The following MAST4 variants were observed in gnomAD, a reference collection of about 807,000 sequenced individuals.
MAST4 encodes microtubule associated serine/threonine kinase family member 4, also known as microtubule-associated serine/threonine-protein kinase 4.
MAST4 carries 89 observed loss-of-function variants against 162.7 expected under a neutral mutation model. That is an observed-to-expected ratio of 0.55 (90% CI 0.46 to 0.65). The LOEUF (loss-of-function observed/expected upper bound fraction) is 0.65. Among genes scored for constraint, MAST4 ranks in the 30% least tolerant of loss-of-function variants. The probability of loss-of-function intolerance (pLI) is 0.00; values close to 1 mark genes in which losing one functional copy is unlikely to be tolerated. For missense variants in MAST4, 3,153 were observed against 3,374.0 expected (o/e 0.93, Z 1.62); for synonymous variants, 1,479 against 1,361.1 (o/e 1.09, Z -1.91).
chr5:66,818,138 C>T (rs915784157), intron 3 of MAST4, among the ~76,000 whole-genome samples: 4 of 152,162 alleles, frequency 2.6e-5, no homozygotes, highest in African/African-American at 4.8e-5. Context: ...TAAATCATTG[C>T]TCATTTAAAT....
At chr5:66,786,124 C>G (rs763084603) in intron 2 of MAST4, among the ~76,000 whole-genome samples, 4 of 152,184 alleles carry the variant, frequency 2.6e-5, no homozygotes, top group Non-Finnish European at 5.9e-5. Context: ...TCACCTCGGC[C>G]TCCCAAAGTG....
intron 5 of MAST4, among the ~76,000 whole-genome samples, chr5:67,065,137 C>T (rs949116855): frequency 1.3e-5 from 2 of 152,074 alleles, no homozygotes; most frequent in Non-Finnish European, 2.9e-5. Context: ...ATTTTCTCAT[C>T]TGCTAGTTGA....
intron 14 of MAST4, among the ~76,000 whole-genome samples, chr5:67,127,227 CTT>C (rs1768355403): frequency 1.3e-5 from 2 of 152,192 alleles, no homozygotes; most frequent in Admixed American, 1.3e-4. Context: ...CAATTTATTT[CTT>C]TCTCTTACCT....
chr5:67,164,822 A>C lies in MAST4; in HGVS notation c.5643A>C (p.Arg1881=), dbSNP rs750187755. ...AGCCTTGGTTCCTGCCCCCCAGCCG[A>C]GGTCTCCAGAATTCACCAGCAGTTT... ...LLEPWFLPPS[R]GLQNSPAVSL... is the part of the protein sequence containing the mutation. Residue 1881 remains arginine (R), a synonymous_variant, in exon 29 of 29, where the codon CGA becomes CGC. Transcript: ENST00000403625. The surrounding 1 kb of genome is among the most constrained non-coding windows in gnomAD (Gnocchi z 5.3). The C allele has an allele frequency of 1.4e-5, 23 of 1,613,852 alleles. No homozygotes were observed. The highest frequency in any genetic ancestry group is 1.8e-5 in the Non-Finnish European group (21 of 1,179,894).
intron 1 of MAST4, among the ~76,000 whole-genome samples, chr5:66,680,481 T>G (rs1449030914): frequency 6.6e-6 from 1 of 152,176 alleles, no homozygotes; most frequent in Non-Finnish European, 1.5e-5. Flanking sequence ...AAAGAGGGAA[T>G]GAGAATGTCA....
Position 67,149,437 on chromosome 5 carries a change from G to T in MAST4, c.3143G>T (p.Cys1048Phe). 1 of 1,613,686 alleles carries T rather than the reference G, an allele frequency of 6.2e-7. No individual in the cohort carries two copies. Among genetic ancestry groups the T allele is most frequent in the Non-Finnish European group, 8.5e-7 (1 of 1,179,788 alleles). Residue 1048 changes from cysteine (C) to phenylalanine (F), a missense_variant, in exon 24 of 29, where the codon TGT becomes TTT. Around this residue, in one of 7 missense-constraint regions of MAST4, gnomAD observed 619 missense variants for 744.2 expected, o/e 0.83. Transcript: ENST00000403625. The part of the protein sequence containing the change: ...HLDQINGRSE[C>F]VDSTDNSSKP... ...GATCAGATAAATGGACGAAGCGAGT[G>T]TGTGGACAGTACAGATAATTCCTCA...
intron 3 of MAST4, among the ~76,000 whole-genome samples, chr5:66,834,044 T>C (rs1405429609): frequency 6.6e-6 from 1 of 152,214 alleles, no homozygotes; most frequent in East Asian, 1.9e-4. Flanking sequence ...TTAGTTAATC[T>C]TAGCTGTCTT....
chr5:67,106,448 T>G (rs1323812943), intron 10 of MAST4, among the ~76,000 whole-genome samples: 1 of 152,186 alleles, frequency 6.6e-6, no homozygotes, highest in Non-Finnish European at 1.5e-5. Context: ...CTGCTAGAAC[T>G]CTGAGAATAC....
chr5:66,786,103 G>A (rs898338096), intron 2 of MAST4, among the ~76,000 whole-genome samples: 6 of 152,006 alleles, frequency 3.9e-5, no homozygotes, highest in East Asian at 1.9e-4. Flanking sequence ...ACTTAGGCTC[G>A]AGGGATCCGC....
intron 4 of MAST4, among the ~76,000 whole-genome samples, chr5:67,021,410 C>T (rs1753965065): frequency 6.6e-6 from 1 of 152,084 alleles, no homozygotes. Flanking sequence ...CAAGGTGAGT[C>T]CAGTCTATGC....
intron 10 of MAST4, among the ~76,000 whole-genome samples, chr5:67,107,132 A>G (rs567686969): frequency 2.0e-5 from 3 of 152,336 alleles, no homozygotes; most frequent in East Asian, 3.9e-4. Context: ...TAATTCTGCA[A>G]TTCTGTCCCA....
chr5:67,032,685 A>G (rs1755499693), intron 4 of MAST4, among the ~76,000 whole-genome samples: 1 of 152,160 alleles, frequency 6.6e-6, no homozygotes, highest in African/African-American at 2.4e-5. Context: ...TACCTATTTC[A>G]TATGGTCACA....
intron 1 of MAST4, among the ~76,000 whole-genome samples, chr5:66,648,081 TGTGAGAGA>T (rs750215974): frequency 0.12 from 11,660 of 100,666 alleles, 433 homozygotes; most frequent in Admixed American, 0.19. Context: ...TGTGTGTGTG[TGTGAGAGA>T]GAGAGAGAGA....
chr5:66,669,335 C>T (rs145047472), intron 1 of MAST4, among the ~76,000 whole-genome samples: 5 of 152,184 alleles, frequency 3.3e-5, no homozygotes, highest in Admixed American at 6.5e-5. Flanking sequence ...GTACCCTATG[C>T]GTATTTATTT....
At chr5:66,886,561 T>A (rs1762050747) in intron 3 of MAST4, among the ~76,000 whole-genome samples, 1 of 151,824 alleles carries the variant, frequency 6.6e-6, no homozygotes, top group African/African-American at 2.4e-5. Context: ...TTTAAACTTT[T>A]ATTCTGAAGA....
chr5:66,827,113 A>C (rs1757301028), intron 3 of MAST4, among the ~76,000 whole-genome samples: 1 of 152,200 alleles, frequency 6.6e-6, no homozygotes, highest in Admixed American at 6.5e-5. Flanking sequence ...TCCTCTCTTA[A>C]GTGGCTTTTG....
rs1770466027 is a variant in MAST4, at chr5:67,142,101, C to G, written c.2495-14C>G. ...TTAACACTTTCCTCTCTGTCTCTAC[C>G]TGCCCCCTTCCAGGTGGTGCATATG... On this transcript the variant is annotated splice_polypyrimidine_tract_variant and intron_variant, in intron 19 of 28. Transcript: ENST00000403625. 6.2e-7 allele frequency: 1 copy of G among 1,612,690 alleles called. No individual in the cohort carries two copies. The highest frequency in any genetic ancestry group is 8.5e-7 in the Non-Finnish European group (1 of 1,178,892).
chr5:67,022,607 A>G (rs536071014), intron 4 of MAST4, among the ~76,000 whole-genome samples: 1 of 152,294 alleles, frequency 6.6e-6, no homozygotes, highest in African/African-American at 2.4e-5. Context: ...CTGGAGTTTC[A>G]TTACTACTAT....
At chr5:66,796,576 C>T (rs1039142549) in intron 3 of MAST4, among the ~76,000 whole-genome samples, 7 of 151,978 alleles carry the variant, frequency 4.6e-5, no homozygotes, top group Non-Finnish European at 8.8e-5. Flanking sequence ...GACAGTGAGG[C>T]GAATGGTGTC....
Sources: gnomAD v4.1 joint callset for allele counts (sites outside exome capture counted in the v4.1 genomes callset) on GRCh38, gnomAD v4.1.1 for gene constraint, gnomAD v4.1.1 regional missense constraint, Gnocchi (gnomAD v3.1) non-coding constraint, MANE v1.5 for transcripts, NCBI Gene and HGNC (gene_info 2026-07-23, HGNC 2026-07-21) for gene names.